PXDNL: variants seen among roughly 807,000 people sequenced by gnomAD.
PXDNL encodes the protein peroxidasin like.
In PXDNL, 145 loss-of-function variants were observed where a neutral mutation model predicts 150.8. The observed-to-expected ratio is 0.96, with a 90% CI of 0.84 to 1.10. The LOEUF (loss-of-function observed/expected upper bound fraction) is 1.10. PXDNL is among the 50% of genes least tolerant of loss of function. The probability of loss-of-function intolerance (pLI) is 0.00; values close to 1 mark genes in which losing one functional copy is unlikely to be tolerated. For missense variants in PXDNL, 2,087 were observed against 1,873.9 expected, an observed-to-expected ratio of 1.11 and a Z score of -2.10; for synonymous variants, 757 against 725.7, an observed-to-expected ratio of 1.04 and a Z score of -0.69.
intron 1 of PXDNL, among the ~76,000 whole-genome samples, chr8:51,700,829 TAC>T (rs1466522067): frequency 2.0e-5 from 3 of 150,940 alleles, no homozygotes; most frequent in East Asian, 3.9e-4. Flanking sequence ...TATGCACACA[TAC>T]ACACATATAC....
intron 17 of PXDNL, among the ~76,000 whole-genome samples, chr8:51,381,101 G>A (rs1475381712): frequency 6.6e-6 from 1 of 152,016 alleles, no homozygotes; most frequent in Non-Finnish European, 1.5e-5. Flanking sequence ...GCCTCGTACT[G>A]TTATTGTTTA....
At chr8:51,515,924 T>C (rs749302553) in intron 4 of PXDNL, among the ~76,000 whole-genome samples, 7 of 152,218 alleles carry the variant, frequency 4.6e-5, no homozygotes, top group Non-Finnish European at 8.8e-5. Context: ...GTTCAAGTTT[T>C]TATATTAATA....
At chr8:51,777,463 C>T (rs1196349585) in intron 1 of PXDNL, among the ~76,000 whole-genome samples, 1 of 152,196 alleles carries the variant, frequency 6.6e-6, no homozygotes, top group Non-Finnish European at 1.5e-5. Context: ...GATAAAATAT[C>T]AAAATCAGCC....
At chr8:51,706,191 A>G (rs891544195) in intron 1 of PXDNL, among the ~76,000 whole-genome samples, 3 of 152,134 alleles carry the variant, frequency 2.0e-5, no homozygotes, top group African/African-American at 7.2e-5. Flanking sequence ...GGTGTCTGTA[A>G]TCCCAGTTAC....
chr8:51,639,649 C>A (rs1360875870), intron 2 of PXDNL, among the ~76,000 whole-genome samples: 1 of 152,102 alleles, frequency 6.6e-6, no homozygotes, highest in Non-Finnish European at 1.5e-5. Context: ...CAAGACTAAA[C>A]CAGGAAGAAG....
chr8:51,332,213 C>A (rs1805710221), intron 21 of PXDNL, among the ~76,000 whole-genome samples: 1 of 150,076 alleles, frequency 6.7e-6, no homozygotes, highest in Non-Finnish European at 1.5e-5. Context: ...GATGGCTAGA[C>A]CCAGAAGAGA....
chr8:51,350,869 A>G (rs1806332156), intron 19 of PXDNL, among the ~76,000 whole-genome samples: 1 of 152,150 alleles, frequency 6.6e-6, no homozygotes, highest in Non-Finnish European at 1.5e-5. Context: ...TCCACCGAGA[A>G]CTTTTACCCT....
Position 51,644,351 on chromosome 8 carries a change from C to T in PXDNL, c.236+10338G>A, listed in dbSNP as rs1293951919. On this transcript the variant is annotated intron_variant, in intron 2 of 22. Coordinates refer to ENST00000356297, the MANE Select transcript of PXDNL (RefSeq NM_144651.5). ...ATATATATATATACACACACACACA[C>T]ACACACACACACATATGTATATATA... Among the ~76,000 whole-genome samples the T allele has an allele frequency of 5.8e-3, 257 of 44,582 alleles. 27 individuals are homozygous for T. Among genetic ancestry groups the T allele is most frequent in the Admixed American group, 0.01 (35 of 3,498 alleles). The allele number at this position is 44,582 out of a possible 152,430, so 29.2% of individuals were successfully genotyped here.
chr8:51,558,213 C>G (rs781637133), intron 3 of PXDNL, among the ~76,000 whole-genome samples: 4 of 151,986 alleles, frequency 2.6e-5, no homozygotes, highest in Non-Finnish European at 2.9e-5. Context: ...TCTACCCAAG[C>G]CTTATAGTAA....
intron 1 of PXDNL, among the ~76,000 whole-genome samples, chr8:51,743,943 A>AAG (rs1563306945): frequency 2.9e-3 from 23 of 7,936 alleles, no homozygotes; most frequent in Admixed American, 9.0e-3. Flanking sequence ...AAGGAAGGAG[A>AAG]GAAAGAGAGA....
At chr8:51,751,647 C>T (rs1031846685) in intron 1 of PXDNL, among the ~76,000 whole-genome samples, 2 of 152,176 alleles carry the variant, frequency 1.3e-5, no homozygotes, top group Admixed American at 6.5e-5. Flanking sequence ...CCAAGCATGC[C>T]ATCTGATCAT....
chr8:51,716,621 A>C (rs1018011020), intron 1 of PXDNL, among the ~76,000 whole-genome samples: 1 of 152,204 alleles, frequency 6.6e-6, no homozygotes, highest in Non-Finnish European at 1.5e-5. Flanking sequence ...AGAGCTCCAA[A>C]CGTGTGCCAT....
intron 17 of PXDNL, among the ~76,000 whole-genome samples, chr8:51,376,767 G>A (rs1379045737): frequency 6.6e-6 from 1 of 151,272 alleles, no homozygotes; most frequent in Non-Finnish European, 1.5e-5. Context: ...CCCCCAGGCT[G>A]GAGTGCAGTG....
intron 3 of PXDNL, 100 bp downstream of exon 3, chr8:51,592,527 G>T: frequency 1.4e-6 from 1 of 717,240 alleles, no homozygotes. Context: ...TGCTTTTCAC[G>T]AAGGTAAAGA....
chr8:51,319,890 A>T lies in PXDNL; in HGVS notation c.*1T>A. The T allele has an allele frequency of 1.3e-6, 2 of 1,520,824 alleles. No individual in the cohort carries two copies. The highest frequency in any genetic ancestry group is 1.8e-6 in the Non-Finnish European group (2 of 1,136,222). The allele number at this position is 1,520,824 out of a possible 1,614,324, so 94.2% of individuals were successfully genotyped here. On this transcript the variant is annotated 3_prime_UTR_variant, in exon 23 of 23. Transcript: ENST00000356297. ...TGGGGCTCAACAGCACAAAACTTTT[A>T]TTAGCGCTTCTCTGGGGAATCACTT...
chr8:51,786,536 C>A (rs1486669922), intron 1 of PXDNL, among the ~76,000 whole-genome samples: 1 of 151,022 alleles, frequency 6.6e-6, no homozygotes, highest in African/African-American at 2.4e-5. Context: ...CCCATCCTCA[C>A]CCCCACCCCC....
chr8:51,495,413 C>A (rs1178530083), intron 5 of PXDNL, among the ~76,000 whole-genome samples: 5 of 151,832 alleles, frequency 3.3e-5, no homozygotes, highest in Non-Finnish European at 5.9e-5. Flanking sequence ...TAGCAGAAGG[C>A]AAGAAATAAC....
At chr8:51,602,892 T>C (rs990584345) in intron 2 of PXDNL, among the ~76,000 whole-genome samples, 1 of 151,690 alleles carries the variant, frequency 6.6e-6, no homozygotes, top group Non-Finnish European at 1.5e-5. Context: ...TCTTTATGGC[T>C]TTGGATTTTG....
chr8:51,533,657 T>G (rs1213008687), intron 4 of PXDNL, among the ~76,000 whole-genome samples: 34 of 129,522 alleles, frequency 2.6e-4, no homozygotes, highest in Non-Finnish European at 4.8e-4. Flanking sequence ...CTGGTTTTCG[T>G]TTTTTTTTTG....
Sources: allele counts gnomAD v4.1 joint callset (sites outside exome capture counted in the v4.1 genomes callset), GRCh38; gene constraint gnomAD v4.1.1; transcripts MANE v1.5; gene names NCBI Gene and HGNC (gene_info 2026-07-23, HGNC 2026-07-21).